The following RSRC1 variants were observed in gnomAD, a reference collection of about 807,000 sequenced individuals.
RSRC1 encodes the protein arginine and serine rich coiled-coil 1, also known as serine/Arginine-related protein 53.
In RSRC1, 39 loss-of-function variants were observed where a neutral mutation model predicts 49.1. The observed-to-expected ratio is 0.79, with a 90% CI of 0.61 to 1.04. The LOEUF is 1.04. Ranked by LOEUF, RSRC1 falls within the 50% of genes least tolerant of loss-of-function variation. The pLI is 0.00. For synonymous variants in RSRC1, 143 were observed against 130.8 expected (o/e 1.09, Z -0.63); for missense variants, 388 against 402.4 (o/e 0.96, Z 0.31).
At chr3:158,228,690 TA>T (rs59730690) in intron 4 of RSRC1, among the ~76,000 whole-genome samples, 93,050 of 151,602 alleles carry the variant, frequency 0.61, 28,938 homozygotes, top group East Asian at 0.73. Context: ...TTTGTGCTGA[TA>T]ACGATTTTAT....
intron 4 of RSRC1, among the ~76,000 whole-genome samples, chr3:158,209,412 C>T (rs1489843036): frequency 6.6e-6 from 1 of 152,072 alleles, no homozygotes; most frequent in Non-Finnish European, 1.5e-5. Context: ...GCATCCAGAA[C>T]TGTGAGGCAA....
At position 158,544,365 on chromosome 3, in the gene RSRC1, A is replaced by G; in HGVS notation, c.*90A>G. On this transcript the variant is annotated 3_prime_UTR_variant, in exon 10 of 10. Transcript: ENST00000611884. Reference sequence around the variant, plus strand: ...CAATATTAACTTTTTACTCTTAAAAAGAATTTTGCTGATTATATATAAAGG... The same window carrying G: ...CAATATTAACTTTTTACTCTTAAAAGGAATTTTGCTGATTATATATAAAGG... 1 of 766,882 alleles carries G rather than the reference A, an allele frequency of 1.3e-6. No homozygotes were observed. Among genetic ancestry groups the G allele is most frequent in the Non-Finnish European group, 2.1e-6 (1 of 471,758 alleles). 47.5% of individuals were successfully genotyped at this position (766,882 alleles called of 1,614,324 possible). A position where few individuals can be genotyped will look rare whatever the true frequency, so the allele number is the denominator to read the frequency against.
rs146597379 is a variant in RSRC1, at chr3:158,209,236, C to A, written c.494+5991C>A. 8.5e-5 allele frequency among the ~76,000 whole-genome samples: 13 copies of A among 152,168 alleles called. No individual in the cohort carries two copies. The East Asian group carries it at 2.5e-3, about 29-fold the overall frequency. ...GGGACCTTTATGGAAGGTGGGTCTT[C>A]CCTCATGAATGGATTAATGCAGTTA... On this transcript the variant is annotated intron_variant, in intron 4 of 9. Transcript: ENST00000611884.
chr3:158,300,240 C>T (rs935898284), intron 5 of RSRC1, among the ~76,000 whole-genome samples: 6 of 152,214 alleles, frequency 3.9e-5, no homozygotes, highest in African/African-American at 1.2e-4. Context: ...TAGTAAGAAG[C>T]AGATGATTTG....
chr3:158,156,055 C>T (rs1374796286), intron 3 of RSRC1, among the ~76,000 whole-genome samples: 2 of 152,192 alleles, frequency 1.3e-5, no homozygotes, highest in Non-Finnish European at 2.9e-5. Flanking sequence ...ACACCTTCTT[C>T]CTATGGAGGC....
At chr3:158,375,941 A>G (rs1026039344) in intron 6 of RSRC1, among the ~76,000 whole-genome samples, 8 of 151,998 alleles carry the variant, frequency 5.3e-5, no homozygotes, top group African/African-American at 1.9e-4. Flanking sequence ...TTAGCCATGG[A>G]TGGTTTCTCA....
chr3:158,325,864 T>C (rs1729100688), intron 5 of RSRC1, among the ~76,000 whole-genome samples: 1 of 152,228 alleles, frequency 6.6e-6, no homozygotes. Flanking sequence ...TCCATGAGCA[T>C]GGAATGTTCT....
chr3:158,278,589 A>T (rs1398078167), intron 4 of RSRC1, among the ~76,000 whole-genome samples: 4 of 152,214 alleles, frequency 2.6e-5, no homozygotes, highest in African/African-American at 4.8e-5. Context: ...AACCGCTTGG[A>T]CTCATTTGCC....
chr3:158,487,061 T>A (rs914404132), intron 7 of RSRC1, among the ~76,000 whole-genome samples: 1 of 152,154 alleles, frequency 6.6e-6, no homozygotes, highest in South Asian at 2.1e-4. Flanking sequence ...TTTTTCCTAA[T>A]TTTGAGGAGT....
chr3:158,422,296 A>T (rs12486917), intron 6 of RSRC1, among the ~76,000 whole-genome samples: 1 of 142,816 alleles, frequency 7.0e-6, no homozygotes, highest in East Asian at 2.1e-4. Context: ...TCATTGTTCA[A>T]TTCCCACCTA....
chr3:158,484,310 C>T (rs1738733418), intron 7 of RSRC1, among the ~76,000 whole-genome samples: 2 of 152,070 alleles, frequency 1.3e-5, no homozygotes. Flanking sequence ...GTGGCACATG[C>T]TTGGAAAACA....
chr3:158,454,030 T>C, intron 6 of RSRC1, among the ~76,000 whole-genome samples: 1 of 151,804 alleles, frequency 6.6e-6, no homozygotes, highest in East Asian at 1.9e-4. Flanking sequence ...TTGGTATTTC[T>C]TGGTATTTCA....
intron 4 of RSRC1, among the ~76,000 whole-genome samples, chr3:158,296,327 C>CACACACAT (rs1443764695): frequency 1.3e-5 from 2 of 152,086 alleles, no homozygotes; most frequent in African/African-American, 2.4e-5. Context: ...AAGACACACA[C>CACACACAT]ACACACATAC....
chr3:158,309,757 T>C (rs1728029881), intron 5 of RSRC1, among the ~76,000 whole-genome samples: 1 of 151,822 alleles, frequency 6.6e-6, no homozygotes, highest in South Asian at 2.1e-4. Context: ...AAGAAAGCTT[T>C]AATCTAAAAC....
intron 6 of RSRC1, among the ~76,000 whole-genome samples, chr3:158,454,400 A>G (rs962893862): frequency 6.6e-5 from 10 of 152,164 alleles, no homozygotes; most frequent in African/African-American, 2.2e-4. Context: ...TAAACATTCA[A>G]TAAATGTTAA....
chr3:158,406,613 A>T (rs1249499056), intron 6 of RSRC1, among the ~76,000 whole-genome samples: 5 of 152,098 alleles, frequency 3.3e-5, no homozygotes, highest in African/African-American at 1.2e-4. Flanking sequence ...CAATACGAAG[A>T]TCTGTTGATA....
intron 6 of RSRC1, among the ~76,000 whole-genome samples, chr3:158,368,479 C>A (rs987237385): frequency 6.6e-6 from 1 of 152,202 alleles, no homozygotes; most frequent in Non-Finnish European, 1.5e-5. Context: ...TGTCCTTATG[C>A]CCTGCGGGCT....
chr3:158,409,873 T>C (rs1162017619), intron 6 of RSRC1, among the ~76,000 whole-genome samples: 1 of 152,132 alleles, frequency 6.6e-6, no homozygotes, highest in Non-Finnish European at 1.5e-5. Flanking sequence ...TCTCCTGCAC[T>C]GAACCCTTCA....
chr3:158,330,350 A>T (rs1057316299), intron 5 of RSRC1, among the ~76,000 whole-genome samples: 1 of 152,180 alleles, frequency 6.6e-6, no homozygotes, highest in Non-Finnish European at 1.5e-5. Flanking sequence ...AGCTGTTCCT[A>T]TTCAGCCATC....
Sources: allele counts gnomAD v4.1 joint callset (sites outside exome capture counted in the v4.1 genomes callset), GRCh38; gene constraint gnomAD v4.1.1; transcripts MANE v1.5; gene names NCBI Gene and HGNC (gene_info 2026-07-23, HGNC 2026-07-21).